CCDC81: variants seen among roughly 807,000 people sequenced by gnomAD.
CCDC81 encodes the protein coiled-coil domain containing 81.
A neutral mutation model predicts 83.7 loss-of-function variants in CCDC81; 79 were observed. That is an observed-to-expected ratio of 0.94 (90% CI 0.79 to 1.14). The LOEUF is 1.14. CCDC81 is among the 50% of genes most tolerant of loss of function. CCDC81 has a pLI of 0.00. For synonymous variants in CCDC81, 252 were observed against 278.1 expected (o/e 0.91, Z 0.93); for missense variants, 791 against 778.1 (o/e 1.02, Z -0.20).
intron 11 of CCDC81, among the ~76,000 whole-genome samples, chr11:86,413,633 T>C (rs1948675769): frequency 6.6e-6 from 1 of 152,234 alleles, no homozygotes; most frequent in African/African-American, 2.4e-5. Context: ...ATATAGAGCA[T>C]CATTTTGTAT....
At chr11:86,387,866 C>T (rs1355484745) in intron 3 of CCDC81, among the ~76,000 whole-genome samples, 194 bp downstream of exon 3, 1 of 152,046 alleles carries the variant, frequency 6.6e-6, no homozygotes, top group Admixed American at 6.6e-5. Context: ...ATTTTAAACC[C>T]CAGTAACCTA....
chr11:86,405,785 C>CTTTTTTTT (rs146946869), intron 7 of CCDC81, among the ~76,000 whole-genome samples: 2 of 128,626 alleles, frequency 1.6e-5, no homozygotes, highest in Non-Finnish European at 3.3e-5. Flanking sequence ...CTTCTTTTTT[C>CTTTTTTTT]TTTTTTTTTT....
chr11:86,393,323 A>G (rs1307997690), intron 4 of CCDC81, among the ~76,000 whole-genome samples: 2 of 152,162 alleles, frequency 1.3e-5, no homozygotes, highest in African/African-American at 4.8e-5. Flanking sequence ...TTGACCTCCC[A>G]AAGTGCTGAG....
chr11:86,383,555 T>C (rs1056100294), intron 1 of CCDC81, among the ~76,000 whole-genome samples: 2 of 152,220 alleles, frequency 1.3e-5, no homozygotes, highest in Non-Finnish European at 2.9e-5. Flanking sequence ...GAACTGAATA[T>C]AGAGTATATG....
At chr11:86,422,532 C>G in intron 14 of CCDC81, 42 bp from the exon 15 acceptor site, 1 of 1,589,796 alleles carries the variant, frequency 6.3e-7, no homozygotes, top group Non-Finnish European at 8.6e-7. Context: ...CCTCCAGGAA[C>G]TCCAGGAACC....
chr11:86,400,662 A>T lies in CCDC81; in HGVS notation c.758-16A>T, dbSNP rs548839961. On this transcript the variant is annotated splice_polypyrimidine_tract_variant and intron_variant, in intron 6 of 14. Transcript: ENST00000445632. ...GTTGAAAGGAGACTCGTTTTCATTC[A>T]TTCTTTATTCTACAGATATCTCATC... 2.5e-6 allele frequency: 4 copies of T among 1,578,960 alleles called. No individual in the cohort carries two copies. Among genetic ancestry groups the T allele is most frequent in the African/African-American group, 1.3e-5 (1 of 74,194 alleles).
chr11:86,395,221 A>G (rs1174315734), intron 4 of CCDC81, 113 bp from the exon 5 acceptor site: 2 of 749,918 alleles, frequency 2.7e-6, no homozygotes, highest in African/African-American at 3.5e-5. Flanking sequence ...GCTTAACATA[A>G]ACAACAACAA....
intron 11 of CCDC81, among the ~76,000 whole-genome samples, chr11:86,414,075 A>G (rs1948683203): frequency 1.3e-5 from 2 of 152,250 alleles, no homozygotes; most frequent in Middle Eastern, 3.2e-3. Flanking sequence ...TAATAGAACC[A>G]TAATTTTTAA....
intron 4 of CCDC81, among the ~76,000 whole-genome samples, chr11:86,393,982 A>G (rs1358457222): frequency 6.6e-6 from 1 of 152,188 alleles, no homozygotes; most frequent in Non-Finnish European, 1.5e-5. Context: ...GGGATTTAGG[A>G]AATGAAGTTG....
At chr11:86,402,282 T>G (rs1201830234) in intron 7 of CCDC81, among the ~76,000 whole-genome samples, 1 of 152,080 alleles carries the variant, frequency 6.6e-6, no homozygotes, top group African/African-American at 2.4e-5. Context: ...AGAGGAAACT[T>G]TATATTAACC....
intron 13 of CCDC81, among the ~76,000 whole-genome samples, chr11:86,417,123 A>T (rs976643325): frequency 6.6e-6 from 1 of 151,986 alleles, no homozygotes; most frequent in Non-Finnish European, 1.5e-5. Flanking sequence ...GTGCGCCTGT[A>T]ATCCCAGCTA....
At chr11:86,414,575 G>A in intron 11 of CCDC81, 2 of 492,346 alleles carry the variant, frequency 4.1e-6, no homozygotes, top group Non-Finnish European at 7.1e-6. Flanking sequence ...CCAAAGTGCT[G>A]GGATTACACA....
chr11:86,381,404 T>C (rs567113573), intron 1 of CCDC81, among the ~76,000 whole-genome samples: 1 of 152,320 alleles, frequency 6.6e-6, no homozygotes. Context: ...TTTACCTGGA[T>C]ATTTGGCTGT....
chr11:86,395,478 T>A, intron 5 of CCDC81, 65 bp downstream of exon 5: 2 of 1,242,930 alleles, frequency 1.6e-6, no homozygotes, highest in East Asian at 4.7e-5. Context: ...CTGATCTCAT[T>A]GGGCAGTGTT....
At chr11:86,385,507 G>C (rs769714192) in intron 1 of CCDC81, among the ~76,000 whole-genome samples, 3 of 152,252 alleles carry the variant, frequency 2.0e-5, no homozygotes, top group Non-Finnish European at 4.4e-5. Context: ...GCAAGTGACA[G>C]CTGGTAGCTT....
rs187885705 is a variant in CCDC81, at chr11:86,417,726, G to A, written c.1692-2202G>A. 1.3e-3 allele frequency among the ~76,000 whole-genome samples: 191 copies of A among 151,460 alleles called. 2 individuals are homozygous for A. Among genetic ancestry groups the A allele is most frequent in the Non-Finnish European group, 1.0e-4 (7 of 67,856 alleles). On this transcript the variant is annotated intron_variant, in intron 13 of 14. Transcript: ENST00000445632. ...CAAAAGTGGGGCTGCTGTGTCCAAT[G>A]TACGGTACATCTAATTTTCCTTTTT...
intron 13 of CCDC81, among the ~76,000 whole-genome samples, chr11:86,418,175 A>G (rs1948746589): frequency 6.6e-6 from 1 of 152,240 alleles, no homozygotes; most frequent in Non-Finnish European, 1.5e-5. Flanking sequence ...GTGAGATACC[A>G]TGTCACATCC....
chr11:86,397,533 C>A, intron 5 of CCDC81, 88 bp from the exon 6 acceptor site: 1 of 1,486,552 alleles, frequency 6.7e-7, no homozygotes, highest in Non-Finnish European at 9.0e-7. Flanking sequence ...AATCAGCCAG[C>A]TGGCTGGGTT....
intron 1 of CCDC81, among the ~76,000 whole-genome samples, chr11:86,377,595 A>G (rs1284684803): frequency 6.6e-6 from 1 of 152,062 alleles, no homozygotes; most frequent in Non-Finnish European, 1.5e-5. Flanking sequence ...TTTTGATGAG[A>G]TATATATAAA....
Sources: allele counts gnomAD v4.1 joint callset (sites outside exome capture counted in the v4.1 genomes callset), GRCh38; gene constraint gnomAD v4.1.1; transcripts MANE v1.5; gene names NCBI Gene and HGNC (gene_info 2026-07-23, HGNC 2026-07-21).